SYNJ2: variants seen among roughly 807,000 people sequenced by gnomAD.
SYNJ2 encodes the protein synaptojanin 2.
A neutral mutation model predicts 141.3 loss-of-function variants in SYNJ2; 116 were observed. The observed-to-expected ratio is 0.82, with a 90% CI of 0.71 to 0.96. SYNJ2 has a LOEUF of 0.96. Among genes scored for constraint, SYNJ2 ranks in the 40% least tolerant of loss-of-function variants. The pLI is 0.00. For missense variants in SYNJ2, 1,873 were observed against 1,934.8 expected (o/e 0.97, Z 0.60); for synonymous variants, 745 against 777.7 (o/e 0.96, Z 0.70).
At chr6:158,085,893 T>A (rs940269958) in intron 22 of SYNJ2, among the ~76,000 whole-genome samples, 3 of 151,540 alleles carry the variant, frequency 2.0e-5, no homozygotes, top group African/African-American at 7.3e-5. Flanking sequence ...TGCCCGGGAG[T>A]TGAAGTGGCT....
intron 1 of SYNJ2, among the ~76,000 whole-genome samples, chr6:157,998,639 A>T (rs1777722584): frequency 6.6e-6 from 1 of 152,252 alleles, no homozygotes; most frequent in Admixed American, 6.5e-5. Context: ...AGTGTAAAAA[A>T]ACAACTTTCA....
intron 12 of SYNJ2, chr6:158,067,903 G>A (rs1381135410): frequency 4.2e-5 from 41 of 985,136 alleles, no homozygotes; most frequent in African/African-American, 5.2e-5. Flanking sequence ...TAGCACAGCC[G>A]TGGCTCAAGA....
Position 158,083,413 on chromosome 6 carries a change from C to T in SYNJ2, c.2866-16C>T, listed in dbSNP as rs1212121856. ...TGATTTTTATTTATTCCTGGGTGGCCGCTCTGCCCTCCCAGGTGAAAGGCA... is the reference window on the plus strand; with the variant it reads ...TGATTTTTATTTATTCCTGGGTGGCTGCTCTGCCCTCCCAGGTGAAAGGCA... On this transcript the variant is annotated splice_polypyrimidine_tract_variant and intron_variant, in intron 20 of 26. Coordinates refer to ENST00000355585, the MANE Select transcript of SYNJ2 (RefSeq NM_003898.4). The T allele has an allele frequency of 5.6e-6, 9 of 1,606,600 alleles. No individual in the cohort carries two copies. The highest frequency in any genetic ancestry group is 2.2e-5 in the East Asian group (1 of 44,680).
chr6:158,069,412 G>A (rs1781771870), intron 13 of SYNJ2, 121 bp from the exon 14 acceptor site: 1 of 1,240,186 alleles, frequency 8.1e-7, no homozygotes. Flanking sequence ...TAATATTGGG[G>A]TGCGGGCAGC....
chr6:158,064,524 T>A, intron 9 of SYNJ2, 77 bp from the exon 10 acceptor site: 1 of 1,560,134 alleles, frequency 6.4e-7, no homozygotes, highest in Non-Finnish European at 8.7e-7. Flanking sequence ...GGCTGCCGAA[T>A]AAGGAACCTC....
chr6:158,057,652 CT>C (rs2128358602), intron 6 of SYNJ2, among the ~76,000 whole-genome samples: 1 of 152,340 alleles, frequency 6.6e-6, no homozygotes, highest in East Asian at 1.9e-4. Flanking sequence ...CCTTCTGGCC[CT>C]GGGCTTTGGA....
At chr6:158,077,300 G>T (rs1056353526) in intron 17 of SYNJ2, among the ~76,000 whole-genome samples, 1 of 152,196 alleles carries the variant, frequency 6.6e-6, no homozygotes, top group African/African-American at 2.4e-5. Flanking sequence ...GGCCTCCTCT[G>T]GTCTCTTTCT....
chr6:158,012,933 C>T (rs1778319073), intron 1 of SYNJ2, among the ~76,000 whole-genome samples: 1 of 152,230 alleles, frequency 6.6e-6, no homozygotes, highest in African/African-American at 2.4e-5. Flanking sequence ...ACTCTGCACT[C>T]TCCCTTCCCC....
At position 157,985,158 on chromosome 6, in the gene SYNJ2, CAG is replaced by C. The variant is rs142178973; in HGVS notation, c.127+3071_127+3072del. Among the ~76,000 whole-genome samples, 633 of 152,322 alleles carry C rather than the reference CAG, an allele frequency of 4.2e-3. 5 individuals carry two copies. The highest frequency in any genetic ancestry group is 0.015 in the African/African-American group (607 of 41,578). On this transcript the variant is annotated intron_variant, in intron 1 of 26. Coordinates refer to ENST00000355585, the MANE Select transcript of SYNJ2 (RefSeq NM_003898.4). ...ATCATTTTCAGGCAAGGCCTGGAGACAGGGGCTTGAACTGGGCTGTGATTTTT... is the reference window on the plus strand; with the variant it reads ...ATCATTTTCAGGCAAGGCCTGGAGACGGGCTTGAACTGGGCTGTGATTTTT...
intron 2 of SYNJ2, chr6:158,026,797 C>T (rs997090059): frequency 9.2e-5 from 91 of 984,066 alleles, no homozygotes; most frequent in Non-Finnish European, 1.1e-4. Flanking sequence ...GGCACTTCTG[C>T]TGAACTGTGC....
At position 158,085,766 on chromosome 6, in the gene SYNJ2, A is replaced by G. The variant is rs531782537; in HGVS notation, c.3209-1089A>G. 1.3e-4 allele frequency among the ~76,000 whole-genome samples: 20 copies of G among 152,234 alleles called. No homozygotes were observed. In the South Asian group the frequency reaches 3.3e-3, roughly 25 times the overall value. The stretch of plus-strand genomic sequence containing the variant: ...ACCCTGGAAGCCTGGCGTTTCACCA[A>G]GCTTTCCAGGTGGTTTGGACGCACA... On this transcript the variant is annotated intron_variant, in intron 22 of 26. Transcript: ENST00000355585.
intron 12 of SYNJ2, among the ~76,000 whole-genome samples, chr6:158,067,176 G>A (rs544736501): frequency 1.1e-4 from 16 of 152,230 alleles, no homozygotes; most frequent in Middle Eastern, 6.8e-3. Flanking sequence ...CCACCACCAC[G>A]CCCAGCTAAT....
intron 4 of SYNJ2, among the ~76,000 whole-genome samples, chr6:158,035,606 A>C (rs913686777): frequency 1.3e-5 from 2 of 152,178 alleles, no homozygotes; most frequent in Non-Finnish European, 2.9e-5. Context: ...AAACAGGGAT[A>C]GTTTGATTCC....
chr6:158,063,113 T>C (rs1781326097), intron 8 of SYNJ2, among the ~76,000 whole-genome samples: 1 of 152,216 alleles, frequency 6.6e-6, no homozygotes, highest in South Asian at 2.1e-4. Flanking sequence ...TTGATAAAAA[T>C]GTGACCAGAG....
chr6:158,023,906 G>A (rs1778904948), intron 2 of SYNJ2, among the ~76,000 whole-genome samples: 2 of 152,172 alleles, frequency 1.3e-5, no homozygotes, highest in South Asian at 4.1e-4. Context: ...TCATTTCTTA[G>A]CGCTAACTCA....
Position 158,081,140 on chromosome 6 carries a change from C to T in SYNJ2, c.2599C>T (p.Gln867Ter). 6.2e-7 allele frequency: 1 copy of T among 1,614,078 alleles called. No homozygotes were observed. Among genetic ancestry groups the T allele is most frequent in the Non-Finnish European group, 8.5e-7 (1 of 1,180,038 alleles). ...PVLAIVEVEV[Q>*]EVDVGARERV... Reference sequence around the variant, plus strand: ...GCTGGCGATCGTGGAGGTGGAAGTTCAGGAAGTCGATGTGGGTGCTCGGGA... The same window carrying T: ...GCTGGCGATCGTGGAGGTGGAAGTTTAGGAAGTCGATGTGGGTGCTCGGGA... Residue 867 changes from glutamine to a stop codon, truncating the protein, a stop_gained, in exon 19 of 27, where the codon CAG (glutamine) becomes TAG (stop). Transcript: ENST00000355585. LOFTEE classifies it high-confidence loss of function.
chr6:158,088,597 G>T (rs1295184448), intron 23 of SYNJ2, 63 bp from the exon 24 acceptor site: 1 of 1,275,812 alleles, frequency 7.8e-7, no homozygotes, highest in Non-Finnish European at 1.1e-6. Context: ...CGGGCTCCTG[G>T]CAGCTGGCTG....
Position 158,059,311 on chromosome 6 carries a change from G to A in SYNJ2, c.912G>A (p.Leu304=). 6.4e-7 allele frequency: 1 copy of A among 1,550,942 alleles called. No individual in the cohort carries two copies. Among genetic ancestry groups the A allele is most frequent in the Non-Finnish European group, 8.7e-7 (1 of 1,146,984 alleles). Residue 304 remains leucine, a synonymous_variant, in exon 7 of 27, where the codon CTG becomes CTA. Coordinates refer to ENST00000355585, the MANE Select transcript of SYNJ2 (RefSeq NM_003898.4). ...QYGQQVVVNL[L]GSRGGEEVLN... ...GGCAGCAGGTGGTCGTGAACCTTCT[G>A]GGAAGCAGAGGCGGAGAGGAGGTGC... is the stretch of plus-strand genomic sequence containing the variant.
intron 5 of SYNJ2, among the ~76,000 whole-genome samples, chr6:158,047,796 A>AAAAAAC (rs1780333136): frequency 6.7e-6 from 1 of 149,986 alleles, no homozygotes; most frequent in Non-Finnish European, 1.5e-5. Flanking sequence ...AAAAAAAAAA[A>AAAAAAC]AAAAAAAAAC....
Sources: gnomAD v4.1 joint callset for allele counts (sites outside exome capture counted in the v4.1 genomes callset) on GRCh38, gnomAD v4.1.1 for gene constraint, MANE v1.5 for transcripts, NCBI Gene and HGNC (gene_info 2026-07-23, HGNC 2026-07-21) for gene names.